DDAH1: variants seen among roughly 807,000 people sequenced by gnomAD.
DDAH1 encodes dimethylarginine dimethylaminohydrolase 1, also known as N(G),N(G)-dimethylarginine dimethylaminohydrolase 1.
A neutral mutation model predicts 28.8 loss-of-function variants in DDAH1; 19 were observed. That is an observed-to-expected ratio of 0.66 (90% CI 0.46 to 0.97). DDAH1 has a LOEUF of 0.97. Ranked by LOEUF, DDAH1 falls within the 50% of genes least tolerant of loss-of-function variation. The probability of loss-of-function intolerance (pLI) is 0.00; values close to 1 mark genes in which losing one functional copy is unlikely to be tolerated. For missense variants in DDAH1, 326 were observed against 375.9 expected, an observed-to-expected ratio of 0.87 and a Z score of 1.10; for synonymous variants, 153 against 154.4, an observed-to-expected ratio of 0.99 and a Z score of 0.07.
chr1:85,321,665 A>C (rs1661351158), intron 5 of DDAH1, 97 bp from the exon 6 acceptor site: 1 of 933,298 alleles, frequency 1.1e-6, no homozygotes, highest in African/African-American at 1.6e-5. Context: ...TAGGCTTTTC[A>C]TTCATTTAAT....
At chr1:85,398,609 C>T (rs1651923394) in intron 1 of DDAH1, 1 of 152,170 alleles carries the variant, frequency 6.6e-6, no homozygotes, top group African/African-American at 2.4e-5. Context: ...GAGAGTTCAC[C>T]AGAATATCTA....
Position 85,324,867 on chromosome 1 carries a change from C to T in DDAH1, c.614G>A (p.Ser205Asn). 1 of 1,614,056 alleles carries T rather than the reference C, an allele frequency of 6.2e-7. No individual in the cohort carries two copies. Among genetic ancestry groups the T allele is most frequent in the Non-Finnish European group, 8.5e-7 (1 of 1,180,008 alleles). Residue 205 changes from serine (S) to asparagine (N), a missense_variant, in exon 5 of 6, where the codon AGT (serine) becomes AAT (asparagine). Ser to Asn is a conservative substitution (Grantham distance 46). Transcript: ENST00000284031. ...AGTGAGTTTGTCGTAGCGGTGGTCA[C>T]TCATCTGTTGCATGATCTATAAAGA... is the stretch of plus-strand genomic sequence containing the variant. ...QKALKIMQQM[S>N]DHRYDKLTVP...
intron 1 of DDAH1, among the ~76,000 whole-genome samples, chr1:85,572,015 T>C (rs1468173000): frequency 6.6e-6 from 1 of 152,084 alleles, no homozygotes; most frequent in Non-Finnish European, 1.5e-5. Flanking sequence ...AGTAACTCTG[T>C]TGTGAGGATA....
At chr1:85,541,173 A>G (rs1173813794) in intron 1 of DDAH1, among the ~76,000 whole-genome samples, 2 of 152,194 alleles carry the variant, frequency 1.3e-5, no homozygotes, top group East Asian at 3.9e-4. Context: ...TTCTCCTGCC[A>G]TGATCCAGTC....
chr1:85,338,561 C>G (rs1030956221), intron 4 of DDAH1, among the ~76,000 whole-genome samples: 4 of 152,160 alleles, frequency 2.6e-5, no homozygotes, highest in African/African-American at 9.7e-5. Flanking sequence ...TGGTGAACTC[C>G]AGACGCAGCC....
chr1:85,497,343 G>T (rs1253195643), intron 1 of DDAH1, among the ~76,000 whole-genome samples: 1 of 152,202 alleles, frequency 6.6e-6, no homozygotes, highest in East Asian at 1.9e-4. Flanking sequence ...AAAAGCCATG[G>T]TATTTCCAAA....
At chr1:85,438,783 AG>A (rs1477948859) in intron 1 of DDAH1, among the ~76,000 whole-genome samples, 1 of 152,230 alleles carries the variant, frequency 6.6e-6, no homozygotes, top group Non-Finnish European at 1.5e-5. Context: ...CTATTTTTAA[AG>A]GGCTCTTAGA....
intron 1 of DDAH1, among the ~76,000 whole-genome samples, chr1:85,449,009 C>T (rs1654553736): frequency 6.6e-6 from 1 of 152,106 alleles, no homozygotes; most frequent in South Asian, 2.1e-4. Flanking sequence ...GTCAAGTTAT[C>T]GTACCTCAAA....
At chr1:85,537,658 G>T (rs1479354091) in intron 1 of DDAH1, among the ~76,000 whole-genome samples, 2 of 147,828 alleles carry the variant, frequency 1.4e-5, no homozygotes, top group African/African-American at 5.0e-5. Context: ...CTTATACTAA[G>T]TTTTCTAACT....
intron 1 of DDAH1, among the ~76,000 whole-genome samples, chr1:85,506,415 A>C (rs1049111463): frequency 6.6e-5 from 10 of 152,328 alleles, no homozygotes; most frequent in Middle Eastern, 3.4e-3. Context: ...CATTTAAAAT[A>C]GGGCAGTATT....
intron 1 of DDAH1, among the ~76,000 whole-genome samples, chr1:85,523,975 C>T (rs561965076): frequency 6.6e-6 from 1 of 151,796 alleles, no homozygotes. Flanking sequence ...TCATTATCCT[C>T]ACACTTATTG....
At chr1:85,419,684 C>T (rs1241499194) in intron 1 of DDAH1, among the ~76,000 whole-genome samples, 1 of 151,886 alleles carries the variant, frequency 6.6e-6, no homozygotes, top group Non-Finnish European at 1.5e-5. Context: ...CTATTATTGC[C>T]TTCTTACGTT....
intron 1 of DDAH1, among the ~76,000 whole-genome samples, chr1:85,548,888 C>T (rs1658706892): frequency 6.6e-6 from 1 of 152,156 alleles, no homozygotes; most frequent in Non-Finnish European, 1.5e-5. Flanking sequence ...CAAAATGAAA[C>T]AGGTCTCCTT....
At chr1:85,357,788 T>G (rs1364059744) in intron 2 of DDAH1, among the ~76,000 whole-genome samples, 1 of 152,218 alleles carries the variant, frequency 6.6e-6, no homozygotes, top group African/African-American at 2.4e-5. Context: ...CAGAATGAAT[T>G]TGGGGACCCA....
chr1:85,339,742 A>T (rs1044385943), intron 4 of DDAH1, among the ~76,000 whole-genome samples: 16 of 152,312 alleles, frequency 1.1e-4, no homozygotes, highest in African/African-American at 3.6e-4. Flanking sequence ...CCTATGCTTT[A>T]TTAACCTTCA....
intron 4 of DDAH1, among the ~76,000 whole-genome samples, chr1:85,341,850 A>AT (rs1168610174): frequency 2.6e-5 from 4 of 151,896 alleles, no homozygotes; most frequent in Non-Finnish European, 5.9e-5. Flanking sequence ...AACAAAAAAA[A>AT]ACCCCAGATG....
intron 1 of DDAH1, among the ~76,000 whole-genome samples, chr1:85,571,702 T>C (rs1403660414): frequency 6.6e-6 from 1 of 151,274 alleles, no homozygotes; most frequent in Non-Finnish European, 1.5e-5. Flanking sequence ...TTTCTAATTC[T>C]CCCAAAGACA....
intron 1 of DDAH1, among the ~76,000 whole-genome samples, chr1:85,540,720 G>T (rs545938503): frequency 1.3e-5 from 2 of 152,208 alleles, no homozygotes; most frequent in East Asian, 3.9e-4. Context: ...CACTTTGGGA[G>T]GCTGAGGTGG....
intron 1 of DDAH1, among the ~76,000 whole-genome samples, chr1:85,533,132 G>T (rs1207871347): frequency 8.5e-5 from 13 of 152,120 alleles, no homozygotes; most frequent in Non-Finnish European, 1.8e-4. Context: ...CTTCACCAAA[G>T]AACCTCATAG....
Sources: allele counts gnomAD v4.1 joint callset (sites outside exome capture counted in the v4.1 genomes callset), GRCh38; gene constraint gnomAD v4.1.1; transcripts MANE v1.5; gene names NCBI Gene and HGNC (gene_info 2026-07-23, HGNC 2026-07-21).